Variants in PER2 observed in about 807,000 individuals in gnomAD.
PER2 encodes the protein period circadian protein homolog 2.
In PER2, 66 loss-of-function variants were observed where a neutral mutation model predicts 121.0. The observed-to-expected ratio is 0.55, with a 90% CI of 0.45 to 0.67. The LOEUF (loss-of-function observed/expected upper bound fraction) is 0.67. Among genes scored for constraint, PER2 ranks in the 30% least tolerant of loss-of-function variants. The pLI, the probability that PER2 is intolerant of heterozygous loss-of-function variation, is 0.00. For missense variants in PER2, 1,521 were observed against 1,635.0 expected (o/e 0.93, Z 1.20); for synonymous variants, 684 against 659.9 (o/e 1.04, Z -0.56).
intron 15 of PER2, 44 bp from the exon 16 acceptor site, chr2:238,258,444 G>A: frequency 3.7e-6 from 6 of 1,614,136 alleles, no homozygotes; most frequent in Non-Finnish European, 4.2e-6. Flanking sequence ...CACAACATGA[G>A]AGGAGGGAAG....
At chr2:238,282,002 T>C (rs1696645083) in intron 1 of PER2, among the ~76,000 whole-genome samples, 1 of 152,222 alleles carries the variant, frequency 6.6e-6, no homozygotes, top group Non-Finnish European at 1.5e-5. Flanking sequence ...ACTGGTCCCC[T>C]GCCTCCACCT....
intron 20 of PER2, among the ~76,000 whole-genome samples, chr2:238,251,193 A>C (rs556794764): frequency 6.6e-6 from 1 of 152,194 alleles, no homozygotes; most frequent in Non-Finnish European, 1.5e-5. Flanking sequence ...TTTTGTGGAG[A>C]GTGTGTACAT....
chr2:238,255,456 T>C (rs916892659), intron 18 of PER2: 3 of 645,138 alleles, frequency 4.7e-6, no homozygotes, highest in Non-Finnish European at 8.3e-6. Context: ...CCCCAGGGAA[T>C]GCAAGCTGAC....
chr2:238,253,514 A>C lies in PER2; in HGVS notation c.2509T>G (p.Ser837Ala). Residue 837 changes from serine to alanine, a missense_variant, in exon 19 of 23, where the codon TCC becomes GCC. Ser to Ala is a moderately conservative substitution (Grantham distance 99). Transcript: ENST00000254657. The surrounding 1 kb of genome is among the most constrained non-coding windows in gnomAD (Gnocchi z 5.6). The part of the protein sequence containing the change: ...NATAWSPSDT[S>A]QSSCPAVPFP... ...GGCACGGCTGGGCAGCTGGACTGGG[A>C]CGTGTCTGAGGGTGACCAGGCTGTG... 1 of 1,611,710 alleles carries C rather than the reference A, an allele frequency of 6.2e-7. No individual in the cohort carries two copies. The highest frequency in any genetic ancestry group is 1.1e-5 in the South Asian group (1 of 90,904).
Position 238,265,576 on chromosome 2 carries a change from G to T in PER2, c.982C>A (p.Pro328Thr), listed in dbSNP as rs757336090. ...GTGGTTGTAAAAATTCTCTTTTCAG[G>T]AGGAATTCTAGGGGCTGAAAGAACA... ...HSGYEAPRIPPEKRIFTTTHT... is the reference protein window; with the variant it reads ...HSGYEAPRIPTEKRIFTTTHT... The change falls in exon 9 of 23, where the codon CCT becomes ACT. Residue 328 changes from proline (P) to threonine (T), a missense_variant. Physicochemically the swap from Pro to Thr is conservative, Grantham distance 38. Transcript: ENST00000254657. 2.4e-5 allele frequency: 38 copies of T among 1,601,134 alleles called. No individual in the cohort carries two copies. Among genetic ancestry groups the T allele is most frequent in the Non-Finnish European group, 3.2e-5 (37 of 1,168,260 alleles).
chr2:238,279,584 C>T (rs1365824215), intron 1 of PER2, among the ~76,000 whole-genome samples: 1 of 152,202 alleles, frequency 6.6e-6, no homozygotes, highest in Non-Finnish European at 1.5e-5. Context: ...GCATGGCATC[C>T]GTTTGGCCCT....
chr2:238,261,465 C>T (rs948599263), intron 12 of PER2: 12 of 530,448 alleles, frequency 2.3e-5, no homozygotes, highest in African/African-American at 5.7e-5. Context: ...TGTCAGAGCA[C>T]GGGGTCTGCA....
intron 4 of PER2, among the ~76,000 whole-genome samples, chr2:238,275,391 T>C (rs539166997): frequency 1.3e-5 from 2 of 152,180 alleles, no homozygotes; most frequent in African/African-American, 2.4e-5. Context: ...GTTTCCACTC[T>C]AAAGAAAAAA....
rs80261926 is a variant in PER2 at position 238,244,229 on chromosome 2, C to T, written c.*2146G>A. 2,050 of 152,548 alleles carry T rather than the reference C, an allele frequency of 0.013. 29 individuals carry two copies. The highest frequency in any genetic ancestry group is 0.02 in the Middle Eastern group (6 of 294). 9.4% of individuals were successfully genotyped at this position (152,548 alleles called of 1,614,324 possible). A position where few individuals can be genotyped will look rare whatever the true frequency, so the allele number is the denominator to read the frequency against. On this transcript the variant is annotated 3_prime_UTR_variant, in exon 23 of 23. Transcript: ENST00000254657. ...CTGAGAGCTTATTTACATATCTCTT[C>T]GGGAATATATTAAAAAGAAGGCTCA...
rs1695432248 is a variant in PER2, at chr2:238,245,806, T to C, written c.*569A>G. 3 of 397,212 alleles carry C rather than the reference T, an allele frequency of 7.6e-6. No homozygotes were observed. Among genetic ancestry groups the C allele is most frequent in the South Asian group, 2.8e-4 (2 of 7,070 alleles). 24.6% of individuals were successfully genotyped at this position (397,212 alleles called of 1,614,324 possible). Reference sequence around the variant, plus strand: ...TTGACCACACCAGAAGCCAAAGCTGTTGGTTTGCCAAACAACGCTTCACAC... The same window carrying C: ...TTGACCACACCAGAAGCCAAAGCTGCTGGTTTGCCAAACAACGCTTCACAC... On this transcript the variant is annotated 3_prime_UTR_variant, in exon 23 of 23. Transcript: ENST00000254657.
At chr2:238,276,257 G>A (rs1696452511) in intron 3 of PER2, among the ~76,000 whole-genome samples, 1 of 152,244 alleles carries the variant, frequency 6.6e-6, no homozygotes, top group Admixed American at 6.5e-5. Context: ...ACCCACAATA[G>A]ACCAGGGAGA....
At chr2:238,256,729 C>T (rs929058268) in intron 17 of PER2, among the ~76,000 whole-genome samples, 193 bp downstream of exon 17, 8 of 152,242 alleles carry the variant, frequency 5.3e-5, no homozygotes, top group African/African-American at 1.9e-4. Flanking sequence ...GCAGCAGAGA[C>T]CTGGACAGGT....
the PER2 span, chr2:238,295,952 C>T: frequency 4.0e-6 from 1 of 247,328 alleles, no homozygotes; most frequent in South Asian, 3.7e-5. Context: ...TGAGGGGTGA[C>T]ACGTGCTGCT....
intron 18 of PER2, 37 bp downstream of exon 18, chr2:238,255,619 GT>G (rs1367215951): frequency 6.2e-7 from 1 of 1,611,438 alleles, no homozygotes; most frequent in African/African-American, 1.3e-5. Flanking sequence ...CAGGAATAAA[GT>G]TTTTTAAAAC....
chr2:238,268,247 G>A lies in PER2; in HGVS notation c.825-49C>T. On this transcript the variant is annotated intron_variant, in intron 7 of 22. Coordinates refer to ENST00000254657, the MANE Select transcript of PER2 (RefSeq NM_022817.3). The surrounding 1 kb of genome is among the most constrained non-coding windows in gnomAD (Gnocchi z 4.0). The stretch of plus-strand genomic sequence containing the variant: ...AGTTGGGAACTGTGACACAGGAACA[G>A]TCCCCTGTTCTGTTCCCTCCTCACC... 6.3e-7 allele frequency: 1 copy of A among 1,596,826 alleles called. No homozygotes were observed. Among genetic ancestry groups the A allele is most frequent in the Non-Finnish European group, 8.6e-7 (1 of 1,168,166 alleles).
intron 2 of PER2, 25 bp downstream of exon 2, chr2:238,277,682 C>T: frequency 6.2e-7 from 1 of 1,613,538 alleles, no homozygotes; most frequent in Non-Finnish European, 8.5e-7. Flanking sequence ...TGCCCAGCCT[C>T]CATCTGGCCA....
At chr2:238,291,845 C>T (rs902486868), upstream of PER2, among the ~76,000 whole-genome samples, 1 of 152,222 alleles carries the variant, frequency 6.6e-6, no homozygotes, top group Non-Finnish European at 1.5e-5. Flanking sequence ...CCTCTAGTGA[C>T]CCGAGGGCAG....
intron 1 of PER2, among the ~76,000 whole-genome samples, chr2:238,281,004 C>A (rs1055263729): frequency 1.4e-5 from 2 of 146,848 alleles, no homozygotes; most frequent in African/African-American, 5.0e-5. Context: ...ACAATGTTTA[C>A]ACTTTTTTTT....
intron 12 of PER2, chr2:238,261,321 G>A: frequency 2.5e-6 from 1 of 397,066 alleles, no homozygotes; most frequent in Non-Finnish European, 4.7e-6. Flanking sequence ...GCCTACTCAG[G>A]TGTGGGGTTG....
Sources: allele counts gnomAD v4.1 joint callset (sites outside exome capture counted in the v4.1 genomes callset), GRCh38; gene constraint gnomAD v4.1.1; non-coding constraint Gnocchi (gnomAD v3.1); transcripts MANE v1.5; gene names NCBI Gene and HGNC (gene_info 2026-07-23, HGNC 2026-07-21).